Variants in WDPCP observed in about 807,000 individuals in gnomAD.
WDPCP encodes the protein WD repeat-containing and planar cell polarity effector protein fritz homolog.
Under a neutral mutation model 93.1 loss-of-function variants are expected in WDPCP, and 71 were observed. The observed-to-expected ratio is 0.76, with a 90% CI of 0.63 to 0.93. The LOEUF is 0.93. WDPCP is among the 40% of genes least tolerant of loss of function. WDPCP has a pLI of 0.00. For synonymous variants in WDPCP, 315 were observed against 315.0 expected, an observed-to-expected ratio of 1.00 and a Z score of 0.00; for missense variants, 844 against 887.4, an observed-to-expected ratio of 0.95 and a Z score of 0.62.
At chr2:63,517,617 A>C (rs1702635924) in intron 1 of WDPCP, among the ~76,000 whole-genome samples, 3 of 152,162 alleles carry the variant, frequency 2.0e-5, no homozygotes, top group Admixed American at 2.0e-4. Context: ...CCCCATTCCA[A>C]CCACTAATAT....
chr2:63,256,328 G>C (rs1331543752), intron 14 of WDPCP, among the ~76,000 whole-genome samples: 1 of 152,078 alleles, frequency 6.6e-6, no homozygotes, highest in African/African-American at 2.4e-5. Context: ...TGCAAGTATA[G>C]ACAAACAGAG....
intron 2 of WDPCP, among the ~76,000 whole-genome samples, chr2:63,754,126 T>C (rs994098201): frequency 2.0e-5 from 3 of 152,250 alleles, no homozygotes; most frequent in Admixed American, 2.0e-4. Flanking sequence ...TGGCAAGGGC[T>C]GGACTTTTAT....
intron 1 of WDPCP, among the ~76,000 whole-genome samples, chr2:63,577,280 G>A (rs1708178246): frequency 6.6e-6 from 1 of 152,114 alleles, no homozygotes; most frequent in South Asian, 2.1e-4. Context: ...TAAATAATTG[G>A]TTCAGTCAGA....
At chr2:63,583,099 T>C (rs371973658) in intron 1 of WDPCP, among the ~76,000 whole-genome samples, 2 of 152,102 alleles carry the variant, frequency 1.3e-5, no homozygotes, top group Admixed American at 1.3e-4. Context: ...GCTCATAACA[T>C]GTAAAAGTAA....
chr2:63,823,775 C>A (rs1420250143), intron 1 of WDPCP, among the ~76,000 whole-genome samples: 2 of 151,986 alleles, frequency 1.3e-5, no homozygotes, highest in Admixed American at 6.6e-5. Flanking sequence ...TCAAAAGCCA[C>A]CATGAAACAA....
intron 2 of WDPCP, among the ~76,000 whole-genome samples, chr2:63,764,269 A>G (rs1484939261): frequency 1.3e-5 from 2 of 152,172 alleles, no homozygotes; most frequent in Non-Finnish European, 2.9e-5. Flanking sequence ...AAATAACAGG[A>G]AAAGTATTTT....
chr2:63,135,322 C>T (rs531793817), intron 17 of WDPCP, among the ~76,000 whole-genome samples: 3 of 152,274 alleles, frequency 2.0e-5, no homozygotes, highest in Middle Eastern at 3.4e-3. Context: ...TATAATTGTT[C>T]TTCAAATGTC....
At chr2:63,507,716 T>A (rs1241742363) in intron 1 of WDPCP, among the ~76,000 whole-genome samples, 1 of 151,934 alleles carries the variant, frequency 6.6e-6, no homozygotes, top group Non-Finnish European at 1.5e-5. Context: ...CTAACTAGAA[T>A]AACCAGTTTA....
intron 2 of WDPCP, among the ~76,000 whole-genome samples, chr2:63,667,603 TTTC>T (rs1361386098): frequency 2.6e-5 from 4 of 152,208 alleles, no homozygotes; most frequent in South Asian, 2.1e-4. Context: ...GTTATCATGT[TTTC>T]TTCTTCTCTT....
chr2:63,629,361 G>A (rs1436565811), intron 3 of WDPCP, among the ~76,000 whole-genome samples: 1 of 152,168 alleles, frequency 6.6e-6, no homozygotes, highest in Non-Finnish European at 1.5e-5. Flanking sequence ...CCCACCACTG[G>A]GGAAGTATCA....
chr2:63,723,227 T>TA (rs545499984), intron 2 of WDPCP, among the ~76,000 whole-genome samples: 3,458 of 150,208 alleles, frequency 0.023, 139 homozygotes, highest in African/African-American at 0.08. Context: ...CCTCCACTAT[T>TA]GTCCTATGAC....
At chr2:63,589,784 G>A (rs558872680), upstream of WDPCP, among the ~76,000 whole-genome samples, 4 of 152,276 alleles carry the variant, frequency 2.6e-5, no homozygotes, top group African/African-American at 9.6e-5. Flanking sequence ...CTGAAAGAGA[G>A]GGGGAGGGGG....
intron 1 of WDPCP, among the ~76,000 whole-genome samples, chr2:63,513,994 G>T (rs1285562082): frequency 6.6e-6 from 1 of 151,958 alleles, no homozygotes; most frequent in Non-Finnish European, 1.5e-5. Context: ...GTGAGGAAAA[G>T]TATCACCCCT....
At chr2:63,760,913 C>T (rs1670047118) in intron 2 of WDPCP, among the ~76,000 whole-genome samples, 1 of 152,146 alleles carries the variant, frequency 6.6e-6, no homozygotes, top group South Asian at 2.1e-4. Context: ...CAGCCATCAC[C>T]CATCCACTCA....
intron 3 of WDPCP, among the ~76,000 whole-genome samples, chr2:63,635,416 A>C (rs1053935846): frequency 6.6e-6 from 1 of 152,176 alleles, no homozygotes; most frequent in African/African-American, 2.4e-5. Flanking sequence ...AGGATACTGT[A>C]AAAAAGAAAA....
At chr2:63,493,219 T>A (rs1351363062) in intron 1 of WDPCP, among the ~76,000 whole-genome samples, 1 of 152,182 alleles carries the variant, frequency 6.6e-6, no homozygotes, top group Admixed American at 6.5e-5. Flanking sequence ...CAATAGCATA[T>A]GTTTGGTTAA....
intron 1 of WDPCP, among the ~76,000 whole-genome samples, chr2:63,516,193 A>G (rs1490250979): frequency 1.3e-5 from 2 of 152,056 alleles, no homozygotes; most frequent in African/African-American, 4.8e-5. Flanking sequence ...TTTTTGACAC[A>G]TAATAGACAT....
intron 6 of WDPCP, among the ~76,000 whole-genome samples, chr2:63,451,773 T>C (rs1002035132): frequency 6.6e-6 from 1 of 152,322 alleles, no homozygotes; most frequent in East Asian, 1.9e-4. Flanking sequence ...ATCCCTGGGA[T>C]GCAAGGCTGG....
intron 2 of WDPCP, among the ~76,000 whole-genome samples, chr2:63,656,029 T>C (rs993807733): frequency 1.3e-5 from 2 of 152,186 alleles, no homozygotes; most frequent in East Asian, 3.9e-4. Flanking sequence ...GGGGGATTAT[T>C]GTGCTGGTTC....
Sources: allele counts gnomAD v4.1 joint callset (sites outside exome capture counted in the v4.1 genomes callset), GRCh38; gene constraint gnomAD v4.1.1; transcripts MANE v1.5; gene names NCBI Gene and HGNC (gene_info 2026-07-23, HGNC 2026-07-21).